Variants in TRAPPC6B observed in about 807,000 individuals in gnomAD.
TRAPPC6B encodes the protein trafficking protein particle complex subunit 6B.
Under a neutral mutation model 24.7 loss-of-function variants are expected in TRAPPC6B, and 27 were observed. That is an observed-to-expected ratio of 1.09 (90% CI 0.81 to 1.51). TRAPPC6B has a LOEUF of 1.51. TRAPPC6B is among the 40% of genes most tolerant of loss of function. The probability of loss-of-function intolerance (pLI) is 0.00; values close to 1 mark genes in which losing one functional copy is unlikely to be tolerated. For synonymous variants in TRAPPC6B, 80 were observed against 66.6 expected, an observed-to-expected ratio of 1.20 and a Z score of -0.98; for missense variants, 212 against 190.8, an observed-to-expected ratio of 1.11 and a Z score of -0.66.
In TRAPPC6B at chr14:39,149,708, C is replaced by T. The variant is rs1176805645; in HGVS notation, c.*642G>A. 2.6e-5 allele frequency: 4 copies of T among 152,110 alleles called. No homozygotes were observed. Among genetic ancestry groups the T allele is most frequent in the East Asian group, 1.9e-4 (1 of 5,184 alleles). The allele number at this position is 152,110 out of a possible 1,614,324, so 9.4% of individuals were successfully genotyped here. ...CCAAACATACCTAATATTCTTTGGC[C>T]CTAGAGTCACTGAATTCACATTTAA... On this transcript the variant is annotated 3_prime_UTR_variant, in exon 6 of 6. Coordinates refer to ENST00000330149, the MANE Select transcript of TRAPPC6B (RefSeq NM_001079537.2).
At chr14:39,159,081 A>T (rs2053022183) in intron 2 of TRAPPC6B, 1 of 152,894 alleles carries the variant, frequency 6.5e-6, no homozygotes, top group African/African-American at 2.4e-5. Context: ...GAACTGATTT[A>T]TAAGTTCAAA....
intron 4 of TRAPPC6B, among the ~76,000 whole-genome samples, chr14:39,153,080 C>CAGGAGTTTGAGACT (rs964363300): frequency 6.6e-6 from 1 of 151,838 alleles, no homozygotes; most frequent in African/African-American, 2.4e-5. Context: ...ATCACGAGGT[C>CAGGAGTTTGAGACT]AGGAGTTTGA....
At chr14:39,168,114 G>A (rs926714215) in intron 1 of TRAPPC6B, among the ~76,000 whole-genome samples, 6 of 151,930 alleles carry the variant, frequency 3.9e-5, no homozygotes, top group African/African-American at 1.2e-4. Flanking sequence ...TACTCAGGAG[G>A]CTGAAGCAGG....
intron 1 of TRAPPC6B, among the ~76,000 whole-genome samples, chr14:39,165,329 C>A (rs2053097535): frequency 6.6e-6 from 1 of 152,188 alleles, no homozygotes; most frequent in Non-Finnish European, 1.5e-5. Flanking sequence ...CAAGCGTGAG[C>A]CACCGCGCCT....
At chr14:39,159,171 G>C (rs993436224) in intron 2 of TRAPPC6B, 1 of 169,336 alleles carries the variant, frequency 5.9e-6, no homozygotes, top group African/African-American at 2.4e-5. Flanking sequence ...AAAGAACCTA[G>C]CAGATCTTAA....
At chr14:39,159,607 A>T in intron 1 of TRAPPC6B, 57 bp from the exon 2 acceptor site, 2 of 1,308,838 alleles carry the variant, frequency 1.5e-6, no homozygotes, top group Non-Finnish European at 2.1e-6. Flanking sequence ...GTTAGTATTC[A>T]GAAATTGTTT....
intron 2 of TRAPPC6B, 126 bp from the exon 3 acceptor site, chr14:39,158,528 T>G (rs2053014842): frequency 1.6e-6 from 1 of 621,782 alleles, no homozygotes; most frequent in African/African-American, 1.9e-5. Flanking sequence ...AATTTTAATT[T>G]TTTTTTTGAG....
At chr14:39,159,693 T>C (rs1289488252) in intron 1 of TRAPPC6B, 143 bp from the exon 2 acceptor site, 2 of 499,514 alleles carry the variant, frequency 4.0e-6, no homozygotes, top group South Asian at 5.8e-5. Context: ...AAGTGAATTA[T>C]AAGGTTGATT....
intron 1 of TRAPPC6B, among the ~76,000 whole-genome samples, chr14:39,160,863 CAGTT>C (rs1477560817): frequency 4.6e-5 from 7 of 152,232 alleles, no homozygotes; most frequent in Middle Eastern, 6.8e-3. Context: ...TAAAATCCCA[CAGTT>C]AGCATCTGCA....
At chr14:39,151,307 G>A (rs373624412) in intron 5 of TRAPPC6B, among the ~76,000 whole-genome samples, 4 of 149,446 alleles carry the variant, frequency 2.7e-5, no homozygotes, top group East Asian at 2.0e-4. Flanking sequence ...GGAGAATGGC[G>A]TGAACCCGGG....
chr14:39,151,508 T>C (rs2052913288), intron 5 of TRAPPC6B, among the ~76,000 whole-genome samples: 1 of 152,098 alleles, frequency 6.6e-6, no homozygotes, highest in Non-Finnish European at 1.5e-5. Context: ...TTTGAATAAC[T>C]TTAGAAAAGT....
At chr14:39,167,652 A>C (rs2053121644) in intron 1 of TRAPPC6B, among the ~76,000 whole-genome samples, 1 of 152,194 alleles carries the variant, frequency 6.6e-6, no homozygotes, top group Admixed American at 6.5e-5. Context: ...TCTGATTATG[A>C]AGACTACCAC....
intron 3 of TRAPPC6B, among the ~76,000 whole-genome samples, chr14:39,156,010 C>G (rs757289452): frequency 1.1e-4 from 16 of 152,064 alleles, no homozygotes; most frequent in Non-Finnish European, 2.2e-4. Flanking sequence ...TCAGGCTGGT[C>G]TCCAACTCCT....
intron 3 of TRAPPC6B, chr14:39,157,797 G>T: frequency 4.4e-6 from 1 of 225,018 alleles, no homozygotes; most frequent in South Asian, 7.3e-5. Flanking sequence ...TCAAGTCTGT[G>T]GCTTGAATTG....
Position 39,158,381 on chromosome 14 carries a change from C to G in TRAPPC6B, c.171G>C (p.Arg57Ser). 2 of 1,596,440 alleles carry G rather than the reference C, an allele frequency of 1.3e-6. No individual in the cohort carries two copies. The highest frequency in any genetic ancestry group is 1.7e-6 in the Non-Finnish European group (2 of 1,174,482). ...TCATGATATCTAACTCATCCTTGAA[C>G]CTTGCAGTATCTTTTGTAAACCTAA... Reference protein sequence around the residue: ...LIERFTKDTARFKDELDIMKF... With the variant: ...LIERFTKDTASFKDELDIMKF... The change falls in exon 3 of 6, where the codon AGG becomes AGC. Residue 57 changes from arginine to serine, a missense_variant. Arg to Ser is a moderately radical substitution (Grantham distance 110). Transcript: ENST00000330149.
At chr14:39,150,832 C>G (rs56276842) in intron 5 of TRAPPC6B, among the ~76,000 whole-genome samples, 12,511 of 152,130 alleles carry the variant, frequency 0.082, 556 homozygotes, top group African/African-American at 0.12. Flanking sequence ...GCACCACACC[C>G]GGCCAGTCAA....
At chr14:39,157,179 G>T in intron 3 of TRAPPC6B, 1 of 277,936 alleles carries the variant, frequency 3.6e-6, no homozygotes, top group Admixed American at 3.8e-5. Flanking sequence ...AAGAATTCTG[G>T]CATTGGACAG....
At chr14:39,152,613 C>G (rs553142032) in intron 4 of TRAPPC6B, among the ~76,000 whole-genome samples, 1 of 152,188 alleles carries the variant, frequency 6.6e-6, no homozygotes, top group African/African-American at 2.4e-5. Context: ...GTAACTAGAT[C>G]TGAGTCATGA....
At chr14:39,157,603 C>T (rs2052998523) in intron 3 of TRAPPC6B, 6 of 373,630 alleles carry the variant, frequency 1.6e-5, no homozygotes, top group Admixed American at 3.2e-5. Flanking sequence ...GGTCCCTTAC[C>T]GCATTATCAA....
Sources: allele counts gnomAD v4.1 joint callset (sites outside exome capture counted in the v4.1 genomes callset), GRCh38; gene constraint gnomAD v4.1.1; transcripts MANE v1.5; gene names NCBI Gene and HGNC (gene_info 2026-07-23, HGNC 2026-07-21).